RPTOR: variants seen among roughly 807,000 people sequenced by gnomAD.
The protein encoded by RPTOR is regulatory associated protein of MTOR complex 1.
In RPTOR, 21 loss-of-function variants were observed where a neutral mutation model predicts 169.9. That is an observed-to-expected ratio of 0.12 (90% confidence interval 0.09 to 0.18). RPTOR has a LOEUF of 0.18. Ranked by LOEUF, RPTOR falls within the 10% of genes least tolerant of loss-of-function variation. RPTOR has a pLI of 1.00. For synonymous variants in RPTOR, 732 were observed against 753.2 expected (o/e 0.97, Z 0.46); for missense variants, 1,133 against 1,855.9 (o/e 0.61, Z 7.16).
intron 21 of RPTOR, among the ~76,000 whole-genome samples, chr17:80,921,379 G>A (rs764987053): frequency 1.3e-5 from 2 of 152,154 alleles, no homozygotes; most frequent in Admixed American, 6.5e-5. Flanking sequence ...TTCTGAACGC[G>A]CACAGCCTCT....
intron 1 of RPTOR, chr17:80,602,903 G>A (rs935813243): frequency 1.3e-5 from 6 of 462,866 alleles, no homozygotes; most frequent in South Asian, 6.6e-5. Flanking sequence ...TTTTCTTCTC[G>A]CCATCCTTTT....
At chr17:80,869,370 T>C (rs1375737813) in intron 13 of RPTOR, among the ~76,000 whole-genome samples, 1 of 152,162 alleles carries the variant, frequency 6.6e-6, no homozygotes, top group Non-Finnish European at 1.5e-5. Context: ...TTGGCCAGGC[T>C]GGTCTCAATC....
rs2065597343 is a variant in RPTOR at position 80,646,516 on chromosome 17, T to C, written c.348+2706T>C. On this transcript the variant is annotated intron_variant, in intron 3 of 33. Coordinates refer to ENST00000306801, the MANE Select transcript of RPTOR (RefSeq NM_020761.3). The surrounding 1 kb of genome is among the most constrained non-coding windows in gnomAD (Gnocchi z 5.0). ...CAGACCTCATGCTGCCTTCTAGAGT[T>C]TGCATGAAACAGGAGGCACTTAGCA... 6.6e-6 allele frequency among the ~76,000 whole-genome samples: 1 copy of C among 152,192 alleles called. No homozygotes were observed. Among genetic ancestry groups the C allele is most frequent in the South Asian group, 2.1e-4 (1 of 4,828 alleles).
At chr17:80,714,850 A>G (rs1252246325) in intron 4 of RPTOR, among the ~76,000 whole-genome samples, 2 of 152,102 alleles carry the variant, frequency 1.3e-5, no homozygotes, top group East Asian at 3.9e-4. Context: ...CAGCCTCCCA[A>G]GTGGCTGGGA....
At chr17:80,702,814 C>T (rs2066112401) in intron 3 of RPTOR, among the ~76,000 whole-genome samples, 1 of 152,306 alleles carries the variant, frequency 6.6e-6, no homozygotes, top group Middle Eastern at 3.4e-3. Context: ...CGTGGAAGAA[C>T]AGCACTCCTG....
intron 3 of RPTOR, among the ~76,000 whole-genome samples, chr17:80,692,890 A>T (rs2066004621): frequency 6.6e-6 from 1 of 152,148 alleles, no homozygotes; most frequent in Non-Finnish European, 1.5e-5. Context: ...TGGTGAGCCT[A>T]TTTTATCTTT....
intron 3 of RPTOR, among the ~76,000 whole-genome samples, chr17:80,649,820 G>A (rs528466389): frequency 3.9e-5 from 6 of 152,076 alleles, no homozygotes; most frequent in Non-Finnish European, 8.8e-5. Context: ...GCTTTTCCAC[G>A]TGCGTGCCGT....
At chr17:80,938,679 TG>T (rs1478360998) in intron 24 of RPTOR, among the ~76,000 whole-genome samples, 2 of 152,216 alleles carry the variant, frequency 1.3e-5, no homozygotes, top group Non-Finnish European at 2.9e-5. Context: ...ATGTCTTTTT[TG>T]CTGTGTTGTT....
chr17:80,706,607 CT>C (rs1286569287), intron 3 of RPTOR, among the ~76,000 whole-genome samples: 1 of 152,224 alleles, frequency 6.6e-6, no homozygotes, highest in East Asian at 1.9e-4. Flanking sequence ...GGCTGCTGGT[CT>C]CCGTGCCCCC....
rs1337096626 is a variant in RPTOR, at chr17:80,823,203, C to T, written c.1116C>T (p.Pro372=). The T allele has an allele frequency of 2.5e-6, 4 of 1,613,978 alleles. No individual in the cohort carries two copies. The highest frequency in any genetic ancestry group is 2.7e-5 in the African/African-American group (2 of 74,912). Residue 372 remains proline, a synonymous_variant, in exon 9 of 34, where the codon CCC becomes CCT. Coordinates refer to ENST00000306801, the MANE Select transcript of RPTOR (RefSeq NM_020761.3). The surrounding 1 kb of genome is among the most constrained non-coding windows in gnomAD (Gnocchi z 4.5). ...CTPVSSPRLP[P]TYMHAMWQAW... Reference sequence around the variant, plus strand: ...CCGTCAGCAGCCCGCGTCTGCCGCCCACGTACATGCACGCCATGTGGTGAG... The same window carrying T: ...CCGTCAGCAGCCCGCGTCTGCCGCCTACGTACATGCACGCCATGTGGTGAG...
chr17:80,652,138 C>T (rs1028464826), intron 3 of RPTOR, among the ~76,000 whole-genome samples: 10 of 151,938 alleles, frequency 6.6e-5, no homozygotes, highest in Non-Finnish European at 1.0e-4. Context: ...CCACTGCACT[C>T]CAGCCTGGGT....
chr17:80,602,235 C>G (rs1440732277), intron 1 of RPTOR, among the ~76,000 whole-genome samples: 1 of 66,344 alleles, frequency 1.5e-5, no homozygotes, highest in Non-Finnish European at 3.3e-5. Context: ...GGCGGCTGGC[C>G]GGTCGGGGGG....
chr17:80,565,583 C>T (rs201931827), intron 1 of RPTOR, among the ~76,000 whole-genome samples: 5 of 141,568 alleles, frequency 3.5e-5, no homozygotes, highest in South Asian at 4.6e-4. Context: ...CGGAGGGAGG[C>T]GTGCACTGCT....
intron 31 of RPTOR, among the ~76,000 whole-genome samples, chr17:80,961,933 G>C (rs1049013588): frequency 6.6e-6 from 1 of 152,212 alleles, no homozygotes; most frequent in Non-Finnish European, 1.5e-5. Context: ...TGCAAAGCCA[G>C]CATTTCTTCA....
At chr17:80,591,539 C>A (rs1431262471) in intron 1 of RPTOR, among the ~76,000 whole-genome samples, 2 of 151,464 alleles carry the variant, frequency 1.3e-5, no homozygotes, top group Non-Finnish European at 2.9e-5. Flanking sequence ...CCACAACACC[C>A]AGCTCATTTT....
At chr17:80,935,729 A>G (rs1398969095) in intron 24 of RPTOR, among the ~76,000 whole-genome samples, 1 of 152,192 alleles carries the variant, frequency 6.6e-6, no homozygotes. Context: ...AGTGAATCAT[A>G]GCCCTAAGTG....
chr17:80,883,130 TGGCCTGTGACAGAGGA>T (rs2068204484), intron 14 of RPTOR, among the ~76,000 whole-genome samples: 1 of 152,190 alleles, frequency 6.6e-6, no homozygotes, highest in Non-Finnish European at 1.5e-5. Flanking sequence ...CAGCCACGGC[TGGCCTGTGACAGAGGA>T]GGCATCCACC....
At chr17:80,553,013 T>A (rs1205219561) in intron 1 of RPTOR, among the ~76,000 whole-genome samples, 2 of 152,156 alleles carry the variant, frequency 1.3e-5, no homozygotes, top group Non-Finnish European at 2.9e-5. Flanking sequence ...TCAAAACTGT[T>A]TTCATAATAA....
rs71163994 is a variant in RPTOR at position 80,737,809 on chromosome 17, G to GC, written c.654+7110dup. On this transcript the variant is annotated intron_variant, in intron 5 of 33. Transcript: ENST00000306801. Reference sequence around the variant, plus strand: ...TTCTTTCTCTCTCTTTTTCTCCCCCGCCCCCCCGCCACACTCACTCCACCA... The same window carrying GC: ...TTCTTTCTCTCTCTTTTTCTCCCCCGCCCCCCCCGCCACACTCACTCCACCA... Among the ~76,000 whole-genome samples, 897 of 133,136 alleles carry GC rather than the reference G, an allele frequency of 6.7e-3. 16 individuals are homozygous for GC. The highest frequency in any genetic ancestry group is 0.011 in the Middle Eastern group (3 of 278). 87.3% of individuals were successfully genotyped at this position (133,136 alleles called of 152,430 possible). A position where few individuals can be genotyped will look rare whatever the true frequency, so the allele number is the denominator to read the frequency against.
Sources: allele counts gnomAD v4.1 joint callset (sites outside exome capture counted in the v4.1 genomes callset), GRCh38; gene constraint gnomAD v4.1.1; non-coding constraint Gnocchi (gnomAD v3.1); transcripts MANE v1.5; gene names NCBI Gene and HGNC (gene_info 2026-07-23, HGNC 2026-07-21).